CFAP300: variants seen among roughly 807,000 people sequenced by gnomAD.
CFAP300 encodes cilia and flagella associated protein 300.
In CFAP300, 32 loss-of-function variants were observed where a neutral mutation model predicts 33.0. The observed-to-expected ratio is 0.97, with a 90% CI of 0.73 to 1.30. The LOEUF (loss-of-function observed/expected upper bound fraction) is 1.30, where lower values mean the gene tolerates loss of function less well. CFAP300 is among the 50% of genes most tolerant of loss of function. The pLI is 0.00. For synonymous variants in CFAP300, 102 were observed against 106.8 expected (o/e 0.95, Z 0.28); for missense variants, 356 against 318.1 (o/e 1.12, Z -0.90).
chr11:102,081,168 G>A, intron 5 of CFAP300, 47 bp from the exon 6 acceptor site: 1 of 1,350,014 alleles, frequency 7.4e-7, no homozygotes, highest in Non-Finnish European at 1.0e-6. Flanking sequence ...AAATGTATAT[G>A]CCAATGCCTA....
At chr11:102,055,063 C>G (rs906124987) in intron 2 of CFAP300, among the ~76,000 whole-genome samples, 1 of 151,744 alleles carries the variant, frequency 6.6e-6, no homozygotes, top group South Asian at 2.1e-4. Context: ...TCACTGCAAC[C>G]TCTGCCTCCG....
At chr11:102,078,979 G>C (rs898721142) in intron 5 of CFAP300, among the ~76,000 whole-genome samples, 1 of 152,042 alleles carries the variant, frequency 6.6e-6, no homozygotes, top group Admixed American at 6.6e-5. Flanking sequence ...CAAAGTGCTG[G>C]GATTACAGGT....
rs1941894772 is a variant in CFAP300 at position 102,047,479 on chromosome 11, T to C, written c.9T>C (p.Thr3=). 3.9e-6 allele frequency: 6 copies of C among 1,535,916 alleles called. No homozygotes were observed. The highest frequency in any genetic ancestry group is 4.9e-5 in the East Asian group (2 of 40,896). Residue 3 remains threonine (T), a synonymous_variant, in exon 1 of 7, where the codon ACT becomes ACC. Transcript: ENST00000434758. MA[T]GELGDLGGYY... The stretch of plus-strand genomic sequence containing the variant: ...ACCCAGCCGAGAGCACGATGGCTAC[T>C]GGGGAGCTCGGGGACTTGGGTGGCT...
chr11:102,067,899 C>T (rs1488377585), intron 4 of CFAP300, among the ~76,000 whole-genome samples: 3 of 152,040 alleles, frequency 2.0e-5, no homozygotes, highest in Non-Finnish European at 2.9e-5. Context: ...AGAGTGAGAC[C>T]TTGTCTCTAA....
intron 2 of CFAP300, among the ~76,000 whole-genome samples, chr11:102,055,886 G>A (rs1942049410): frequency 1.3e-5 from 2 of 148,866 alleles, no homozygotes; most frequent in Non-Finnish European, 3.0e-5. Flanking sequence ...AGTCAGGATG[G>A]TCTCAATCTC....
intron 5 of CFAP300, among the ~76,000 whole-genome samples, chr11:102,080,628 G>A (rs887027747): frequency 1.3e-5 from 2 of 152,046 alleles, no homozygotes; most frequent in Non-Finnish European, 2.9e-5. Flanking sequence ...TCGAACTCCC[G>A]ACCTCAGGTG....
chr11:102,051,391 G>T (rs781007369), intron 2 of CFAP300, among the ~76,000 whole-genome samples: 19 of 152,224 alleles, frequency 1.2e-4, no homozygotes, highest in Middle Eastern at 3.4e-3. Context: ...GGAAGCCTGC[G>T]CAACGCTTCT....
chr11:102,047,596 A>T lies in CFAP300; in HGVS notation c.110+16A>T, dbSNP rs12804542. ...TCCGCCAGTGGTGAGGAACCGAGGC[A>T]CAGGGAGAGAAGAGGCCCTTGGTCT... On this transcript the variant is annotated intron_variant, in intron 1 of 6. Transcript: ENST00000434758. 5.7e-5 allele frequency: 87 copies of T among 1,533,572 alleles called. No individual in the cohort carries two copies. Among genetic ancestry groups the T allele is most frequent in the Middle Eastern group, 1.7e-4 (1 of 5,962 alleles). The allele number at this position is 1,533,572 out of a possible 1,614,324, so 95.0% of individuals were successfully genotyped here. A position where few individuals can be genotyped will look rare whatever the true frequency, so the allele number is the denominator to read the frequency against.
intron 3 of CFAP300, 106 bp downstream of exon 3, chr11:102,059,061 T>C (rs1942101651): frequency 6.3e-6 from 4 of 636,508 alleles, no homozygotes; most frequent in Admixed American, 3.5e-5. Context: ...CTCATCTGTT[T>C]GATACATCAA....
chr11:102,059,725 T>A (rs898393921), intron 3 of CFAP300, among the ~76,000 whole-genome samples: 2 of 151,888 alleles, frequency 1.3e-5, no homozygotes, highest in Non-Finnish European at 2.9e-5. Flanking sequence ...AAGAGTCCAC[T>A]GATATTGGGA....
rs532278244 is a variant in CFAP300 at position 102,072,202 on chromosome 11, G to A, written c.436-3671G>A. On this transcript the variant is annotated intron_variant, in intron 4 of 6. Coordinates refer to ENST00000434758, the MANE Select transcript of CFAP300 (RefSeq NM_032930.3). ...TTCTCTTTTTTTTTTGTCTGACTGG[G>A]TTACTTCAAAAGACCTGTCTTCAAG... Among the ~76,000 whole-genome samples, 4 of 151,472 alleles carry A rather than the reference G, an allele frequency of 2.6e-5. No individual in the cohort carries two copies. The South Asian group carries it at 8.3e-4, about 32-fold the overall frequency.
intron 2 of CFAP300, among the ~76,000 whole-genome samples, chr11:102,055,852 T>TTAG (rs1203047933): frequency 6.6e-6 from 1 of 151,062 alleles, no homozygotes; most frequent in Non-Finnish European, 1.5e-5. Context: ...TTTTGTATTT[T>TTAG]TAGAGACAGA....
intron 3 of CFAP300, among the ~76,000 whole-genome samples, chr11:102,059,812 CTTT>C (rs538180709): frequency 7.2e-6 from 1 of 138,974 alleles, no homozygotes. Flanking sequence ...AACCACAGGA[CTTT>C]TTTTTTTTTT....
At chr11:102,073,485 A>T (rs1358658545) in intron 4 of CFAP300, among the ~76,000 whole-genome samples, 1 of 152,202 alleles carries the variant, frequency 6.6e-6, no homozygotes, top group African/African-American at 2.4e-5. Context: ...GGCTGTCCTC[A>T]GGTCCTCCAG....
chr11:102,061,330 C>T (rs1942146937), intron 3 of CFAP300, among the ~76,000 whole-genome samples: 1 of 152,044 alleles, frequency 6.6e-6, no homozygotes, highest in Admixed American at 6.6e-5. Flanking sequence ...TTATTTTCCT[C>T]TGGGGCCCTT....
intron 4 of CFAP300, among the ~76,000 whole-genome samples, chr11:102,069,867 G>A (rs1048822365): frequency 2.0e-5 from 3 of 151,930 alleles, no homozygotes; most frequent in Admixed American, 6.6e-5. Context: ...CTTGGAAGGC[G>A]GAGGTGGGAG....
intron 2 of CFAP300, 49 bp from the exon 3 acceptor site, chr11:102,058,831 T>A (rs750792181): frequency 5.7e-6 from 6 of 1,060,382 alleles, no homozygotes; most frequent in Admixed American, 4.7e-5. Flanking sequence ...ATTTTTACTA[T>A]CATTTATAAT....
Position 102,058,957 on chromosome 11 carries a change from T to C in CFAP300, c.268+2T>C. 2 of 1,519,088 alleles carry C rather than the reference T, an allele frequency of 1.3e-6. No homozygotes were observed. Among genetic ancestry groups the C allele is most frequent in the Non-Finnish European group, 1.8e-6 (2 of 1,123,292 alleles). 94.1% of individuals were successfully genotyped at this position (1,519,088 alleles called of 1,614,324 possible). A position where few individuals can be genotyped will look rare whatever the true frequency, so the allele number is the denominator to read the frequency against. On this transcript the variant is annotated splice_donor_variant, in intron 3 of 6. Coordinates refer to ENST00000434758, the MANE Select transcript of CFAP300 (RefSeq NM_032930.3). LOFTEE classifies it high-confidence loss of function. ...CTTCTGGACAATGGATCATATTAGG[T>C]AAATAAAATTTTCATCTTTTCAGAT...
intron 6 of CFAP300, among the ~76,000 whole-genome samples, chr11:102,081,836 A>G (rs1303352282): frequency 6.7e-6 from 1 of 149,532 alleles, no homozygotes; most frequent in Non-Finnish European, 1.5e-5. Flanking sequence ...GGTTGCAGTG[A>G]GCCGAGATCA....
Sources: allele counts gnomAD v4.1 joint callset (sites outside exome capture counted in the v4.1 genomes callset), GRCh38; gene constraint gnomAD v4.1.1; transcripts MANE v1.5; gene names NCBI Gene and HGNC (gene_info 2026-07-23, HGNC 2026-07-21).